EPHB1: variants seen among roughly 807,000 people sequenced by gnomAD.
EPHB1 encodes the protein ephrin type-B receptor 1.
Under a neutral mutation model 94.4 loss-of-function variants are expected in EPHB1, and 30 were observed. The observed-to-expected ratio is 0.32, with a 90% CI of 0.24 to 0.43. EPHB1 has a LOEUF of 0.43. Among genes scored for constraint, EPHB1 ranks in the 20% least tolerant of loss-of-function variants. The pLI is 1.00. For synonymous variants in EPHB1, 522 were observed against 489.1 expected (o/e 1.07, Z -0.89); for missense variants, 1,055 against 1,308.3 (o/e 0.81, Z 2.99).
chr3:134,987,202 T>C (rs1407662100), intron 3 of EPHB1, among the ~76,000 whole-genome samples: 1 of 152,194 alleles, frequency 6.6e-6, no homozygotes, highest in African/African-American at 2.4e-5. Context: ...ATATAATACG[T>C]ACAGGCATTG....
chr3:135,201,348 A>G, intron 11 of EPHB1, 126 bp from the exon 12 acceptor site: 1 of 854,988 alleles, frequency 1.2e-6, no homozygotes, highest in Non-Finnish European at 1.9e-6. Flanking sequence ...GGAAGAGAGG[A>G]GGACACAGTG....
intron 2 of EPHB1, among the ~76,000 whole-genome samples, chr3:134,941,744 T>C (rs1333024038): frequency 9.5e-5 from 11 of 116,298 alleles, no homozygotes; most frequent in Admixed American, 3.7e-4. Flanking sequence ...GCTTTACATA[T>C]GCACACAGAC....
At chr3:135,100,055 T>G (rs1485811033) in intron 3 of EPHB1, among the ~76,000 whole-genome samples, 3 of 152,078 alleles carry the variant, frequency 2.0e-5, no homozygotes, top group African/African-American at 7.2e-5. Context: ...GCATGAACCT[T>G]TGCAAACTCA....
chr3:134,805,185 G>T (rs893820586), intron 1 of EPHB1, among the ~76,000 whole-genome samples: 7 of 152,190 alleles, frequency 4.6e-5, no homozygotes, highest in Non-Finnish European at 1.0e-4. Flanking sequence ...TATCTGTGCA[G>T]GTTCCTCCAG....
At chr3:134,902,585 T>G (rs539778913) in intron 1 of EPHB1, among the ~76,000 whole-genome samples, 10 of 152,332 alleles carry the variant, frequency 6.6e-5, no homozygotes, top group African/African-American at 2.4e-4. Flanking sequence ...TTAAAATGGC[T>G]TCTTCATCTC....
At chr3:134,887,645 A>G (rs2037886893) in intron 1 of EPHB1, among the ~76,000 whole-genome samples, 2 of 152,190 alleles carry the variant, frequency 1.3e-5, no homozygotes, top group South Asian at 4.1e-4. Flanking sequence ...GAATAATGAA[A>G]AAGAGTTGTT....
At chr3:135,060,953 C>T (rs1332642638) in intron 3 of EPHB1, among the ~76,000 whole-genome samples, 1 of 152,054 alleles carries the variant, frequency 6.6e-6, no homozygotes, top group Non-Finnish European at 1.5e-5. Context: ...CTCACTACCC[C>T]TCCCAGCCTC....
chr3:135,033,310 A>G (rs1467541249), intron 3 of EPHB1, among the ~76,000 whole-genome samples: 1 of 152,114 alleles, frequency 6.6e-6, no homozygotes, highest in Non-Finnish European at 1.5e-5. Context: ...AAAGGGTAGC[A>G]TGCACCTTGT....
At chr3:135,252,623 C>T (rs1162883970) in intron 15 of EPHB1, among the ~76,000 whole-genome samples, 3 of 144,696 alleles carry the variant, frequency 2.1e-5, no homozygotes, top group African/African-American at 7.5e-5. Flanking sequence ...CATTGTTGGA[C>T]ATGTGGGTTG....
chr3:134,949,221 G>T (rs113739991), intron 2 of EPHB1, among the ~76,000 whole-genome samples: 4 of 152,224 alleles, frequency 2.6e-5, no homozygotes, highest in African/African-American at 9.6e-5. Flanking sequence ...TGTTGGTGAG[G>T]GACTGGCAGG....
chr3:135,089,388 A>G (rs1449617432), intron 3 of EPHB1, among the ~76,000 whole-genome samples: 2 of 152,254 alleles, frequency 1.3e-5, no homozygotes, highest in Non-Finnish European at 2.9e-5. Flanking sequence ...TCTGAGTAAC[A>G]TACCTGGCCT....
At chr3:135,006,362 G>T (rs909253228) in intron 3 of EPHB1, among the ~76,000 whole-genome samples, 1 of 152,220 alleles carries the variant, frequency 6.6e-6, no homozygotes, top group Non-Finnish European at 1.5e-5. Context: ...AGAATTTCGT[G>T]TTGGGGATGA....
At position 135,150,109 on chromosome 3, in the gene EPHB1, A is replaced by G. The variant is rs188345402; in HGVS notation, c.1298-4043A>G. On this transcript the variant is annotated intron_variant, in intron 5 of 15. Transcript: ENST00000398015. ...TGAGTTTTTAATGATGGCTTTCCAG[A>G]GAGTAGAGGCAAGGAGAAGAACCAA... Among the ~76,000 whole-genome samples, 5 of 152,312 alleles carry G rather than the reference A, an allele frequency of 3.3e-5. No homozygotes were observed. The East Asian group carries it at 9.7e-4, about 29-fold the overall frequency.
intron 6 of EPHB1, among the ~76,000 whole-genome samples, chr3:135,155,511 C>G (rs921019339): frequency 6.6e-6 from 1 of 151,992 alleles, no homozygotes; most frequent in African/African-American, 2.4e-5. Context: ...CATGTTGGGC[C>G]TTAAAGACTG....
At chr3:135,162,309 G>A (rs1441026694) in intron 7 of EPHB1, 129 bp downstream of exon 7, 3 of 1,107,642 alleles carry the variant, frequency 2.7e-6, no homozygotes, top group Non-Finnish European at 3.7e-6. Context: ...CCCTTCAAAC[G>A]GTTTGCCTCC....
At chr3:135,208,289 ACGTG>A (rs1942951115) in intron 12 of EPHB1, among the ~76,000 whole-genome samples, 1 of 91,556 alleles carries the variant, frequency 1.1e-5, no homozygotes. Flanking sequence ...ACCTTTCATG[ACGTG>A]TGTGTGTGTG....
At chr3:135,202,353 G>T (rs1377435763) in intron 12 of EPHB1, among the ~76,000 whole-genome samples, 2 of 152,120 alleles carry the variant, frequency 1.3e-5, no homozygotes, top group African/African-American at 4.8e-5. Flanking sequence ...CTTAACTAAA[G>T]AATGAAACCT....
At chr3:134,798,353 T>A (rs1355250098) in intron 1 of EPHB1, among the ~76,000 whole-genome samples, 2 of 151,624 alleles carry the variant, frequency 1.3e-5, no homozygotes, top group Non-Finnish European at 2.9e-5. Context: ...GAGGACAGGG[T>A]CTGGTTGTTG....
intron 5 of EPHB1, among the ~76,000 whole-genome samples, chr3:135,147,262 T>A (rs545116443): frequency 1.3e-5 from 2 of 152,318 alleles, no homozygotes; most frequent in South Asian, 4.1e-4. Context: ...AGTCCAAGGA[T>A]GATTTGGCTG....
Sources: gnomAD v4.1 joint callset for allele counts (sites outside exome capture counted in the v4.1 genomes callset) on GRCh38, gnomAD v4.1.1 for gene constraint, MANE v1.5 for transcripts, NCBI Gene and HGNC (gene_info 2026-07-23, HGNC 2026-07-21) for gene names.